Variants in RNF13 observed in about 807,000 individuals in gnomAD.
RNF13 encodes the protein ring finger protein 13.
Under a neutral mutation model 37.7 loss-of-function variants are expected in RNF13, and 19 were observed. The observed-to-expected ratio is 0.50, with a 90% CI of 0.35 to 0.74. The LOEUF is 0.74. Ranked by LOEUF, RNF13 falls within the 30% of genes least tolerant of loss-of-function variation. RNF13 has a pLI of 0.01. For missense variants in RNF13, 375 were observed against 453.0 expected (o/e 0.83, Z 1.56); for synonymous variants, 144 against 157.8 (o/e 0.91, Z 0.65).
intron 3 of RNF13, among the ~76,000 whole-genome samples, chr3:149,858,295 G>C (rs775656285): frequency 6.6e-6 from 1 of 152,092 alleles, no homozygotes; most frequent in Non-Finnish European, 1.5e-5. Flanking sequence ...CTTTACATGT[G>C]GATTTGTAAT....
chr3:149,851,870 A>C (rs2108389026), intron 2 of RNF13, among the ~76,000 whole-genome samples: 1 of 152,312 alleles, frequency 6.6e-6, no homozygotes, highest in South Asian at 2.1e-4. Context: ...CTAAAAGCAC[A>C]AAGAACTTTT....
chr3:149,877,472 C>CTT lies in RNF13; in HGVS notation c.321+5337_321+5338dup, dbSNP rs369676407. On this transcript the variant is annotated intron_variant, in intron 4 of 9. Transcript: ENST00000392894. ...TCATAATAACTCTTTTTCTTTCTGTCTTTTTTTTTTTTTTTTTTTTGGTGA... is the reference window on the plus strand; with the variant it reads ...TCATAATAACTCTTTTTCTTTCTGTCTTTTTTTTTTTTTTTTTTTTTTGGTGA... Among the ~76,000 whole-genome samples, 357 of 101,424 alleles carry CTT rather than the reference C, an allele frequency of 3.5e-3. 1 individual carries two copies. The highest frequency in any genetic ancestry group is 0.011 in the African/African-American group (293 of 26,468). The allele number at this position is 101,424 out of a possible 152,430, so 66.5% of individuals were successfully genotyped here.
chr3:149,824,436 G>A (rs1254848770), intron 1 of RNF13, among the ~76,000 whole-genome samples: 2 of 152,214 alleles, frequency 1.3e-5, no homozygotes, highest in Non-Finnish European at 2.9e-5. Context: ...TTGGAATAAT[G>A]TGCTATAAGA....
intron 4 of RNF13, among the ~76,000 whole-genome samples, chr3:149,887,886 T>A (rs73870464): frequency 0.013 from 1,907 of 152,304 alleles, 36 homozygotes; most frequent in African/African-American, 0.044. Context: ...GTTTTGTAAG[T>A]AACACTATTA....
chr3:149,893,501 G>T lies in RNF13; in HGVS notation c.322-1972G>T, dbSNP rs1714932861. On this transcript the variant is annotated intron_variant, in intron 4 of 9. Coordinates refer to ENST00000392894, the MANE Select transcript of RNF13 (RefSeq NM_183381.3). ...TAGCTTTTAGGGAAAAGTTAAAATG[G>T]TCATGAAAGCATCAGATAAACTAAT... Among the ~76,000 whole-genome samples, 6 of 152,240 alleles carry T rather than the reference G, an allele frequency of 3.9e-5. No individual in the cohort carries two copies. In the South Asian group the frequency reaches 1.2e-3, roughly 32 times the overall value.
intron 2 of RNF13, among the ~76,000 whole-genome samples, chr3:149,850,726 GTTACT>G (rs1415909556): frequency 6.6e-6 from 1 of 152,088 alleles, no homozygotes; most frequent in East Asian, 1.9e-4. Context: ...ATCTAGATAA[GTTACT>G]TTATTTTACA....
At chr3:149,827,188 A>G (rs1400953081) in intron 1 of RNF13, among the ~76,000 whole-genome samples, 3 of 152,236 alleles carry the variant, frequency 2.0e-5, no homozygotes, top group African/African-American at 7.2e-5. Flanking sequence ...TAAACATGTT[A>G]AACAATATGG....
intron 1 of RNF13, among the ~76,000 whole-genome samples, chr3:149,841,071 T>C (rs1001279174): frequency 6.6e-6 from 1 of 152,240 alleles, no homozygotes; most frequent in African/African-American, 2.4e-5. Context: ...TTTTTGTTTA[T>C]GTTTTTGTAA....
At chr3:149,864,705 G>A (rs56132008) in intron 3 of RNF13, among the ~76,000 whole-genome samples, 4,038 of 152,252 alleles carry the variant, frequency 0.027, 69 homozygotes, top group South Asian at 0.036. Flanking sequence ...AAACAAAACT[G>A]AAGGTTATAG....
chr3:149,961,275 T>C lies in RNF13; in HGVS notation c.*171T>C. 1.5e-6 allele frequency: 1 copy of C among 686,722 alleles called. No individual in the cohort carries two copies. The highest frequency in any genetic ancestry group is 1.6e-5 in the South Asian group (1 of 60,724). The allele number at this position is 686,722 out of a possible 1,614,324, so 42.5% of individuals were successfully genotyped here. A position where few individuals can be genotyped will look rare whatever the true frequency, so the allele number is the denominator to read the frequency against. On this transcript the variant is annotated 3_prime_UTR_variant, in exon 10 of 10. Coordinates refer to ENST00000392894, the MANE Select transcript of RNF13 (RefSeq NM_183381.3). ...TGATCTGGTATTTATCTGCCAAGAATATACTTCATTCACTAATAATAGACT... is the reference window on the plus strand; with the variant it reads ...TGATCTGGTATTTATCTGCCAAGAACATACTTCATTCACTAATAATAGACT...
At chr3:149,932,559 G>A (rs1719265525) in intron 8 of RNF13, among the ~76,000 whole-genome samples, 1 of 152,160 alleles carries the variant, frequency 6.6e-6, no homozygotes, top group Non-Finnish European at 1.5e-5. Context: ...AATCCAAAAG[G>A]GAGGAATTGG....
At chr3:149,838,824 T>G (rs1721906696) in intron 1 of RNF13, among the ~76,000 whole-genome samples, 1 of 150,094 alleles carries the variant, frequency 6.7e-6, no homozygotes, top group Admixed American at 6.7e-5. Flanking sequence ...CTTGAATGTC[T>G]CCTCAGAAAA....
At chr3:149,872,283 T>C in intron 4 of RNF13, 129 bp downstream of exon 4, 1 of 644,718 alleles carries the variant, frequency 1.6e-6, no homozygotes, top group South Asian at 2.4e-5. Flanking sequence ...TAAACTGGAT[T>C]CATAGAATAG....
intron 3 of RNF13, among the ~76,000 whole-genome samples, chr3:149,862,015 T>G (rs1157592470): frequency 2.0e-5 from 3 of 152,156 alleles, no homozygotes; most frequent in Non-Finnish European, 4.4e-5. Flanking sequence ...TGTGAACTTA[T>G]GTAGACACAT....
intron 7 of RNF13, among the ~76,000 whole-genome samples, chr3:149,918,786 C>T (rs1373284483): frequency 2.6e-5 from 4 of 151,596 alleles, no homozygotes; most frequent in Admixed American, 6.6e-5. Context: ...GCCTTGGCCT[C>T]CCAAAGCACT....
chr3:149,841,856 C>T (rs2108364829), intron 1 of RNF13, among the ~76,000 whole-genome samples: 2 of 152,284 alleles, frequency 1.3e-5, no homozygotes, highest in Middle Eastern at 6.8e-3. Flanking sequence ...TCTGGAACTC[C>T]TGACCTCAGG....
intron 1 of RNF13, among the ~76,000 whole-genome samples, chr3:149,816,630 A>T (rs1719486967): frequency 6.6e-6 from 1 of 151,954 alleles, no homozygotes; most frequent in East Asian, 1.9e-4. Flanking sequence ...AGGTATAGAG[A>T]TAGGAAAAGC....
chr3:149,890,271 C>A (rs1281289913), intron 4 of RNF13, among the ~76,000 whole-genome samples: 1 of 152,158 alleles, frequency 6.6e-6, no homozygotes, highest in African/African-American at 2.4e-5. Context: ...CCAGATTGTT[C>A]CAAAGCAGTG....
chr3:149,816,712 T>G (rs1719495125), intron 1 of RNF13, among the ~76,000 whole-genome samples: 1 of 152,228 alleles, frequency 6.6e-6, no homozygotes, highest in Admixed American at 6.5e-5. Context: ...ATTATGGAGA[T>G]TCTTAAATGT....
Sources: allele counts gnomAD v4.1 joint callset (sites outside exome capture counted in the v4.1 genomes callset), GRCh38; gene constraint gnomAD v4.1.1; transcripts MANE v1.5; gene names NCBI Gene and HGNC (gene_info 2026-07-23, HGNC 2026-07-21).